Variants in NLGN1 observed in about 807,000 individuals in gnomAD.
The protein encoded by NLGN1 is neuroligin-1.
A neutral mutation model predicts 65.5 loss-of-function variants in NLGN1; 12 were observed. That is an observed-to-expected ratio of 0.18 (90% CI 0.12 to 0.30). The LOEUF is 0.30. Among genes scored for constraint, NLGN1 ranks in the 10% least tolerant of loss-of-function variants. The probability of loss-of-function intolerance (pLI) is 1.00; values close to 1 mark genes in which losing one functional copy is unlikely to be tolerated. For missense variants in NLGN1, 750 were observed against 1,007.1 expected, an observed-to-expected ratio of 0.74 and a Z score of 3.46; for synonymous variants, 350 against 359.5, an observed-to-expected ratio of 0.97 and a Z score of 0.30.
At chr3:173,481,847 A>G (rs140374864) in intron 2 of NLGN1, among the ~76,000 whole-genome samples, 34 of 152,094 alleles carry the variant, frequency 2.2e-4, no homozygotes, top group Non-Finnish European at 4.1e-4. Flanking sequence ...ACTAATTAGC[A>G]TGAATATTTT....
chr3:173,695,723 C>T (rs757207237), intron 3 of NLGN1, among the ~76,000 whole-genome samples: 2 of 152,106 alleles, frequency 1.3e-5, no homozygotes, highest in East Asian at 1.9e-4. Flanking sequence ...ATAACTCAAC[C>T]TTATTACGAT....
At position 174,241,808 on chromosome 3, in the gene NLGN1, G is replaced by A. The variant is rs550288647; in HGVS notation, c.647-33507G>A. ...CGAGCAGCTGGGACTACAGGCGCCC[G>A]CCACCACGCCTGGATAATTTTTTGT... On this transcript the variant is annotated intron_variant, in intron 4 of 6. Transcript: ENST00000457714. 2.2e-3 allele frequency among the ~76,000 whole-genome samples: 329 copies of A among 152,072 alleles called. 4 individuals carry two copies. In the South Asian group the frequency reaches 0.025, roughly 11 times the overall value.
At chr3:173,719,900 A>G (rs1448071602) in intron 3 of NLGN1, among the ~76,000 whole-genome samples, 1 of 152,114 alleles carries the variant, frequency 6.6e-6, no homozygotes, top group African/African-American at 2.4e-5. Context: ...GGATTGCTTG[A>G]GGCCAGGAGT....
At chr3:173,959,746 T>G (rs1212721629) in intron 4 of NLGN1, among the ~76,000 whole-genome samples, 1 of 152,196 alleles carries the variant, frequency 6.6e-6, no homozygotes, top group African/African-American at 2.4e-5. Context: ...TTTAAATGTT[T>G]TGGTATCACA....
chr3:174,273,895 A>G (rs969924908), intron 4 of NLGN1, among the ~76,000 whole-genome samples: 21 of 149,510 alleles, frequency 1.4e-4, no homozygotes, highest in Admixed American at 3.4e-4. Flanking sequence ...TCTTATCCAT[A>G]TATTCAGTTT....
At chr3:173,715,788 A>T (rs561081481) in intron 3 of NLGN1, among the ~76,000 whole-genome samples, 177 of 152,216 alleles carry the variant, frequency 1.2e-3, no homozygotes, top group African/African-American at 4.0e-3. Context: ...ACAGTCACAA[A>T]CTGCTTTAGT....
chr3:173,493,164 A>G (rs1354287938), intron 2 of NLGN1, among the ~76,000 whole-genome samples: 1 of 151,796 alleles, frequency 6.6e-6, no homozygotes, highest in African/African-American at 2.4e-5. Flanking sequence ...CATTTTACAA[A>G]CGAAGAAATT....
At chr3:174,195,433 A>T (rs950171011) in intron 4 of NLGN1, among the ~76,000 whole-genome samples, 6 of 152,340 alleles carry the variant, frequency 3.9e-5, no homozygotes, top group African/African-American at 1.4e-4. Context: ...AATAATGAAG[A>T]GTTTATTAAC....
At chr3:173,492,246 C>T (rs980586506) in intron 2 of NLGN1, among the ~76,000 whole-genome samples, 8 of 151,748 alleles carry the variant, frequency 5.3e-5, no homozygotes, top group Middle Eastern at 3.2e-3. Context: ...TGAGTGTTAA[C>T]GTGTGTTATT....
intron 4 of NLGN1, among the ~76,000 whole-genome samples, chr3:174,234,934 AT>A (rs554027229): frequency 1.1e-3 from 144 of 131,062 alleles, no homozygotes; most frequent in African/African-American, 4.0e-3. Context: ...CCTTTGATGC[AT>A]TTTTTATATA....
chr3:173,426,683 A>C (rs1716172269), intron 1 of NLGN1, among the ~76,000 whole-genome samples: 1 of 151,978 alleles, frequency 6.6e-6, no homozygotes, highest in Admixed American at 6.6e-5. Flanking sequence ...ATCTTGCTTG[A>C]TCATGATGAA....
chr3:173,419,766 C>G (rs1325726339), intron 1 of NLGN1, among the ~76,000 whole-genome samples: 1 of 151,938 alleles, frequency 6.6e-6, no homozygotes, highest in South Asian at 2.1e-4. Context: ...GTCAAGAGAT[C>G]AAGACCATCC....
intron 4 of NLGN1, among the ~76,000 whole-genome samples, chr3:173,883,956 T>C (rs1414729087): frequency 6.6e-6 from 1 of 152,010 alleles, no homozygotes; most frequent in Non-Finnish European, 1.5e-5. Flanking sequence ...ACTCTTTCCT[T>C]GAATAGTACT....
At chr3:173,565,295 T>C (rs1405718682) in intron 2 of NLGN1, among the ~76,000 whole-genome samples, 5 of 152,170 alleles carry the variant, frequency 3.3e-5, no homozygotes, top group South Asian at 4.1e-4. Flanking sequence ...ATGAAGTGAC[T>C]GTGAAGGCTA....
At chr3:174,118,645 A>G (rs770998134) in intron 4 of NLGN1, among the ~76,000 whole-genome samples, 32 of 152,098 alleles carry the variant, frequency 2.1e-4, no homozygotes, top group Non-Finnish European at 3.8e-4. Context: ...GGATTCTTAG[A>G]TGTTCAGCAA....
At chr3:173,977,964 T>G (rs115196741) in intron 4 of NLGN1, among the ~76,000 whole-genome samples, 3,382 of 151,644 alleles carry the variant, frequency 0.022, 119 homozygotes, top group African/African-American at 0.077. Flanking sequence ...GGCTTGAGGG[T>G]AATGAGAATG....
chr3:173,555,690 C>G (rs142150012), intron 2 of NLGN1, among the ~76,000 whole-genome samples: 255 of 152,196 alleles, frequency 1.7e-3, no homozygotes, highest in African/African-American at 5.8e-3. Context: ...GCCATGTTGC[C>G]TAGCCTGGTC....
At chr3:173,702,302 G>A (rs1032590198) in intron 3 of NLGN1, among the ~76,000 whole-genome samples, 3 of 152,014 alleles carry the variant, frequency 2.0e-5, no homozygotes, top group Non-Finnish European at 2.9e-5. Flanking sequence ...GTGGGTGTGC[G>A]GATGAAGGGA....
intron 3 of NLGN1, chr3:173,800,254 T>C: frequency 8.8e-6 from 3 of 342,488 alleles, no homozygotes; most frequent in South Asian, 6.0e-5. Context: ...TTGAATTGTC[T>C]TTTTTTTTTT....
Sources: gnomAD v4.1 joint callset for allele counts (sites outside exome capture counted in the v4.1 genomes callset) on GRCh38, gnomAD v4.1.1 for gene constraint, MANE v1.5 for transcripts, NCBI Gene and HGNC (gene_info 2026-07-23, HGNC 2026-07-21) for gene names.